ATRX: variants seen among roughly 807,000 people sequenced by gnomAD.
The protein encoded by ATRX is ATRX chromatin remodeler, also known as chromatin remodeler ATRX.
A neutral mutation model predicts 172.6 loss-of-function variants in ATRX; 12 were observed. The ratio of observed to expected loss-of-function variants is 0.07; its 90% CI spans 0.04 to 0.11. ATRX has a LOEUF of 0.11. Ranked by LOEUF, ATRX falls within the 10% of genes least tolerant of loss-of-function variation. The probability of loss-of-function intolerance (pLI) is 1.00; values close to 1 mark genes in which losing one functional copy is unlikely to be tolerated. For synonymous variants in ATRX, 674 were observed against 594.7 expected, an observed-to-expected ratio of 1.13 and a Z score of -1.94; for missense variants, 1,368 against 1,767.4, an observed-to-expected ratio of 0.77 and a Z score of 4.05.
chrX:77,739,436 T>C (rs2074756703), intron 1 of ATRX, among the ~76,000 whole-genome samples: 1 of 108,865 alleles, frequency 9.2e-6, no homozygotes. Flanking sequence ...TATCCACTCA[T>C]TTGCAATTAT....
At chrX:77,521,758 T>A in intron 32 of ATRX, 1 of 276,198 alleles carries the variant, frequency 3.6e-6, no homozygotes, top group Non-Finnish European at 6.4e-6. Context: ...GCACATTTTA[T>A]AATGTGTTTC....
At chrX:77,587,156 C>A (rs2066056628) in intron 27 of ATRX, among the ~76,000 whole-genome samples, 1 of 110,812 alleles carries the variant, frequency 9.0e-6, no homozygotes. Flanking sequence ...ATTATATATG[C>A]AAGATATAAT....
intron 19 of ATRX, among the ~76,000 whole-genome samples, chrX:77,631,677 T>C (rs2068112791): frequency 8.9e-6 from 1 of 112,104 alleles, no homozygotes; most frequent in Non-Finnish European, 1.9e-5. Flanking sequence ...CTACAGGATA[T>C]CTACCTGGAC....
chrX:77,606,904 A>G (rs1264043580), intron 22 of ATRX, among the ~76,000 whole-genome samples: 1 of 112,269 alleles, frequency 8.9e-6, no homozygotes, highest in Non-Finnish European at 1.9e-5. Flanking sequence ...ATTTCAATTC[A>G]TGCTGGAAGC....
chrX:77,616,551 ATCT>A (rs782679378), intron 22 of ATRX, 59 bp downstream of exon 22: 17 of 1,161,457 alleles, frequency 1.5e-5, no homozygotes, highest in Middle Eastern at 2.4e-4. Flanking sequence ...GACTGAAATA[ATCT>A]TCTTTGGAAA....
chrX:77,600,204 T>C (rs1350824710), intron 23 of ATRX, among the ~76,000 whole-genome samples: 3 of 112,042 alleles, frequency 2.7e-5, no homozygotes, highest in Non-Finnish European at 5.6e-5. Flanking sequence ...TTGCAACTTT[T>C]CTATAAGTAT....
intron 1 of ATRX, among the ~76,000 whole-genome samples, chrX:77,757,071 C>A (rs899885724): frequency 9.0e-6 from 1 of 111,549 alleles, no homozygotes; most frequent in South Asian, 3.7e-4. Context: ...CAGGCATGAA[C>A]CACTGCACCC....
chrX:77,530,954 C>T (rs1468773228), intron 30 of ATRX, among the ~76,000 whole-genome samples: 1 of 111,900 alleles, frequency 8.9e-6, no homozygotes, highest in African/African-American at 3.2e-5. Context: ...AGGGGGACAT[C>T]CCCACTGACC....
intron 1 of ATRX, among the ~76,000 whole-genome samples, chrX:77,771,103 C>T (rs1603339087): frequency 1.8e-5 from 2 of 111,358 alleles, no homozygotes; most frequent in African/African-American, 6.5e-5. Flanking sequence ...CTCGGCCGGG[C>T]GTGGTGGTTC....
chrX:77,753,139 T>C (rs1557188396), intron 1 of ATRX, among the ~76,000 whole-genome samples: 1 of 111,551 alleles, frequency 9.0e-6, no homozygotes. Context: ...CTGCCTCAAT[T>C]TCAGAACTTG....
chrX:77,658,567 T>C (rs1235351698), intron 12 of ATRX, among the ~76,000 whole-genome samples: 1 of 112,634 alleles, frequency 8.9e-6, no homozygotes, highest in African/African-American at 3.2e-5. Flanking sequence ...AAACATTTTA[T>C]GTAAAAAGTT....
Position 77,681,600 on chromosome X carries a change from C to G in ATRX, c.3656G>C (p.Gly1219Ala), listed in dbSNP as rs782638695. ...CTTAATTTTCTGTTCATCGCTGCTT[C>G]CCTCACCTATAGAATTCTGATCATC... Reference protein sequence around the residue: ...EDDDQNSIGEGSSDEQKIKPV... With the variant: ...EDDDQNSIGEASSDEQKIKPV... The change falls in exon 9 of 35, where the codon GGA (glycine) becomes GCA (alanine). Residue 1219 changes from glycine (G) to alanine (A), a missense_variant. Transcript: ENST00000373344. 3 of 1,208,084 alleles carry G rather than the reference C, an allele frequency of 2.5e-6. No individual in the cohort carries two copies. The highest frequency in any genetic ancestry group is 3.4e-6 in the Non-Finnish European group (3 of 894,152).
chrX:77,697,292 G>A (rs1022738448), intron 4 of ATRX, among the ~76,000 whole-genome samples: 3 of 111,001 alleles, frequency 2.7e-5, no homozygotes, highest in Admixed American at 9.6e-5. Flanking sequence ...CTTTTTCAAG[G>A]ACATATATTG....
rs868948983 is a variant in ATRX at position 77,635,831 on chromosome X, A to T, written c.4699+84T>A. ...ACTCACCAATTTACCTCCAGGACTT[A>T]GCAGGATGTGAGGCAGCTGCCTCAC... On this transcript the variant is annotated intron_variant, in intron 16 of 34. Coordinates refer to ENST00000373344, the MANE Select transcript of ATRX (RefSeq NM_000489.6). The T allele has an allele frequency of 8.7e-6, 8 of 919,427 alleles. No homozygotes were observed. The South Asian group carries it at 1.4e-4, about 16-fold the overall frequency. The allele number at this position is 919,427 out of a possible 1,213,427, so 75.8% of individuals were successfully genotyped here.
Position 77,663,945 on chromosome X carries a change from T to C in ATRX, c.3944-387A>G, listed in dbSNP as rs1051344579. Reference sequence around the variant, plus strand: ...GGAGAAACCCCGTCTCTACTAAAAATACAAAATTAGCAGGGTGTGGTGGCG... The same window carrying C: ...GGAGAAACCCCGTCTCTACTAAAAACACAAAATTAGCAGGGTGTGGTGGCG... On this transcript the variant is annotated intron_variant, in intron 11 of 34. Coordinates refer to ENST00000373344, the MANE Select transcript of ATRX (RefSeq NM_000489.6). 3.6e-5 allele frequency among the ~76,000 whole-genome samples: 4 copies of C among 110,284 alleles called. No individual in the cohort carries two copies. The East Asian group carries it at 1.2e-3, about 32-fold the overall frequency.
At chrX:77,619,043 T>TC (rs1419815930) in intron 20 of ATRX, 62 bp from the exon 21 acceptor site, 1 of 860,055 alleles carries the variant, frequency 1.2e-6, no homozygotes, top group East Asian at 3.2e-5. Context: ...TTAGAAAAAT[T>TC]CCCCAATGAA....
In ATRX at chrX:77,734,153, G is replaced by A. The variant is rs782557700; in HGVS notation, c.21-16910C>T. On this transcript the variant is annotated intron_variant, in intron 1 of 34. Transcript: ENST00000373344. ...ACCTGGGAGGCGGAGGTTGCAGTGA[G>A]CCGAGATCGTGCCAGTGCACTCCAG... is the stretch of plus-strand genomic sequence containing the variant. Among the ~76,000 whole-genome samples the A allele has an allele frequency of 9.8e-4, 109 of 111,024 alleles. 1 individual carries two copies. Among genetic ancestry groups the A allele is most frequent in the Non-Finnish European group, 1.6e-3 (84 of 53,016 alleles).
intron 26 of ATRX, among the ~76,000 whole-genome samples, chrX:77,591,204 T>C (rs1557080275): frequency 8.9e-6 from 1 of 111,858 alleles, no homozygotes; most frequent in African/African-American, 3.2e-5. Flanking sequence ...ACTGTTCCCT[T>C]ACCCTCTCCT....
Position 77,507,344 on chromosome X carries a change from A to T in ATRX, c.*1007T>A, listed in dbSNP as rs2062734695. On this transcript the variant is annotated 3_prime_UTR_variant, in exon 35 of 35. Transcript: ENST00000373344. ...TAGTACTGGGAATTGTTAAAAGTAC[A>T]TTCCTCATGTGAACCTAAAGTCAGC... The T allele has an allele frequency of 5.8e-6, 1 of 172,653 alleles. No individual in the cohort carries two copies. Among genetic ancestry groups the T allele is most frequent in the African/African-American group, 3.0e-5 (1 of 33,894 alleles). 14.2% of individuals were successfully genotyped at this position (172,653 alleles called of 1,213,427 possible). A position where few individuals can be genotyped will look rare whatever the true frequency, so the allele number is the denominator to read the frequency against.
Sources: gnomAD v4.1 joint callset for allele counts (sites outside exome capture counted in the v4.1 genomes callset) on GRCh38, gnomAD v4.1.1 for gene constraint, MANE v1.5 for transcripts, NCBI Gene and HGNC (gene_info 2026-07-23, HGNC 2026-07-21) for gene names.